NAPSA: variants seen among roughly 807,000 people sequenced by gnomAD.
NAPSA encodes the protein napsin A aspartic peptidase, also known as napsin-A.
In NAPSA, 37 loss-of-function variants were observed where a neutral mutation model predicts 36.7. That is an observed-to-expected ratio of 1.01 (90% CI 0.78 to 1.33). The LOEUF is 1.33. Ranked by LOEUF, NAPSA falls within the 40% of genes most tolerant of loss-of-function variation. The probability of loss-of-function intolerance (pLI) is 0.00; values close to 1 mark genes in which losing one functional copy is unlikely to be tolerated. For synonymous variants in NAPSA, 222 were observed against 234.5 expected (o/e 0.95, Z 0.49); for missense variants, 532 against 543.8 (o/e 0.98, Z 0.21).
At chr19:50,366,054 C>T (rs1167258793), upstream of NAPSA, 2 of 155,528 alleles carry the variant, frequency 1.3e-5, no homozygotes, top group Admixed American at 6.5e-5. Context: ...TAGACACCTG[C>T]CCTCACATAT....
At chr19:50,361,875 G>A in intron 3 of NAPSA, 94 bp from the exon 4 acceptor site, 1 of 1,601,002 alleles carries the variant, frequency 6.2e-7, no homozygotes, top group Non-Finnish European at 8.5e-7. Flanking sequence ...CATGATAAAA[G>A]AACAGTTCCT....
rs1173219437 is a variant in NAPSA at position 50,360,964 on chromosome 19, A to G, written c.645T>C (p.Pro215=). 3.1e-6 allele frequency: 5 copies of G among 1,614,116 alleles called. No individual in the cohort carries two copies. The East Asian group carries it at 1.1e-4, about 36-fold the overall frequency. The change falls in exon 5 of 9, where the codon CCT becomes CCC. Residue 215 remains proline, a synonymous_variant. Transcript: ENST00000253719. ...ACCTGTTGAGGTAAAAGGAGAAGACAGGCTTATCCAATAGCCCCTGCTCCA... is the reference window on the plus strand; with the variant it reads ...ACCTGTTGAGGTAAAAGGAGAAGACGGGCTTATCCAATAGCCCCTGCTCCA... The part of the protein sequence containing the change: ...VLVEQGLLDK[P]VFSFYLNRDP...
At position 50,359,531 on chromosome 19, in the gene NAPSA, A is replaced by G. The variant is rs751300117; in HGVS notation, c.908T>C (p.Ile303Thr). The G allele has an allele frequency of 7.6e-5, 122 of 1,614,056 alleles. No individual in the cohort carries two copies. Among genetic ancestry groups the G allele is most frequent in the Middle Eastern group, 1.6e-4 (1 of 6,084 alleles). Reference sequence around the variant, plus strand: ...CCCAGCCAGCAAGGGGATTCCCCCAATGGCTGCATGCAGGGCCCGGATCTC... The same window carrying G: ...CCCAGCCAGCAAGGGGATTCCCCCAGTGGCTGCATGCAGGGCCCGGATCTC... ...TEEIRALHAAIGGIPLLAGEY... is the reference protein window; with the variant it reads ...TEEIRALHAATGGIPLLAGEY... The change falls in exon 7 of 9, where the codon ATT becomes ACT. Residue 303 changes from isoleucine (I) to threonine (T), a missense_variant. By Grantham distance (89) the Ile-to-Thr change is moderately conservative. Coordinates refer to ENST00000253719, the MANE Select transcript of NAPSA (RefSeq NM_004851.3).
At chr19:50,361,814 AG>A in intron 3 of NAPSA, 33 bp from the exon 4 acceptor site, 1 of 1,603,532 alleles carries the variant, frequency 6.2e-7, no homozygotes, top group East Asian at 2.2e-5. Context: ...GTCATGGGGG[AG>A]GGAATCTCCC....
rs532930760 is a variant in NAPSA at position 50,365,624 on chromosome 19, C to A, written c.-3G>T. ...TGCAGCAGCGGTGGTGGAGACATCG[C>A]TGGGGACCTGGGTGTGAACCCAGGT... On this transcript the variant is annotated 5_prime_UTR_variant, in exon 1 of 9. Transcript: ENST00000253719. 2 of 1,604,388 alleles carry A rather than the reference C, an allele frequency of 1.2e-6. No individual in the cohort carries two copies. Among genetic ancestry groups the A allele is most frequent in the Admixed American group, 1.7e-5 (1 of 57,852 alleles).
In NAPSA at chr19:50,360,107, G is replaced by C. The variant is rs989738713; in HGVS notation, c.669-245C>G. Among the ~76,000 whole-genome samples, 5 of 152,222 alleles carry C rather than the reference G, an allele frequency of 3.3e-5. No homozygotes were observed. In the East Asian group the frequency reaches 9.6e-4, roughly 29 times the overall value. On this transcript the variant is annotated intron_variant, in intron 5 of 8. Coordinates refer to ENST00000253719, the MANE Select transcript of NAPSA (RefSeq NM_004851.3). ...AGACTTCATTTGGCTGTGGAAGGTA[G>C]AGTTTTGGGGAATTTCCTGAGCTGA...
At chr19:50,367,536 GTCTCTCTCTCTCCC>G (rs1250647195), upstream of NAPSA, among the ~76,000 whole-genome samples, 1 of 139,780 alleles carries the variant, frequency 7.2e-6, no homozygotes, top group East Asian at 2.0e-4. Flanking sequence ...AACAGAGTCA[GTCTCTCTCTCTCCC>G]TCTCTCTCTC....
chr19:50,366,303 T>C (rs940232962), upstream of NAPSA, among the ~76,000 whole-genome samples: 1 of 152,180 alleles, frequency 6.6e-6, no homozygotes, highest in Non-Finnish European at 1.5e-5. Flanking sequence ...TTTCTCCATG[T>C]TGGTCAGGCT....
chr19:50,368,648 T>C (rs568872427), upstream of NAPSA, among the ~76,000 whole-genome samples: 2 of 152,254 alleles, frequency 1.3e-5, no homozygotes, highest in African/African-American at 4.8e-5. Context: ...CCCCTTCAAC[T>C]CGCCCCGCAC....
chr19:50,367,833 A>G (rs1275428732), upstream of NAPSA, among the ~76,000 whole-genome samples: 1 of 152,106 alleles, frequency 6.6e-6, no homozygotes, highest in Non-Finnish European at 1.5e-5. Context: ...GTCCAGAGAT[A>G]CAGTCAGTGA....
intron 1 of NAPSA, 155 bp from the exon 2 acceptor site, chr19:50,362,468 C>T: frequency 1.6e-6 from 1 of 607,428 alleles, no homozygotes; most frequent in Non-Finnish European, 2.7e-6. Flanking sequence ...TCCAGAAAAG[C>T]CCATCAAAGA....
chr19:50,359,084 G>A lies in NAPSA; in HGVS notation c.962C>T (p.Pro321Leu). The A allele has an allele frequency of 6.2e-7, 1 of 1,613,954 alleles. No homozygotes were observed. The highest frequency in any genetic ancestry group is 8.5e-7 in the Non-Finnish European group (1 of 1,179,914). ...AAGGAAGGAGACTGCGGGGAGCTTT[G>A]GGATTTCCGAGCACAGGATGATGTA... ...GEYIILCSEI[P>L]KLPAVSFLLG... The change falls in exon 8 of 9, where the codon CCA (proline) becomes CTA (leucine). Residue 321 changes from proline (P) to leucine (L), a missense_variant. Pro to Leu is a moderately conservative substitution (Grantham distance 98, BLOSUM62 -3). Around this residue, in one of 3 missense-constraint regions of NAPSA, gnomAD observed 385 missense variants for 371.5 expected, o/e 1.04. Coordinates refer to ENST00000253719, the MANE Select transcript of NAPSA (RefSeq NM_004851.3).
intron 1 of NAPSA, among the ~76,000 whole-genome samples, chr19:50,364,878 G>C (rs2037524737): frequency 6.6e-6 from 1 of 150,906 alleles, no homozygotes; most frequent in Non-Finnish European, 1.5e-5. Context: ...TGTAGTCCCA[G>C]CTACTTGGGA....
chr19:50,359,308 G>T, intron 7 of NAPSA, 195 bp downstream of exon 7: 2 of 863,666 alleles, frequency 2.3e-6, no homozygotes, highest in South Asian at 1.7e-5. Flanking sequence ...GCCACCATCC[G>T]CAGAGTCGCA....
intron 5 of NAPSA, 119 bp downstream of exon 5, chr19:50,360,822 C>T: frequency 1.0e-6 from 1 of 963,980 alleles, no homozygotes; most frequent in South Asian, 1.7e-5. Context: ...CCTGAATGGA[C>T]AGTGTAAGTG....
chr19:50,365,560 G>T lies in NAPSA; in HGVS notation c.62C>A (p.Pro21His). The T allele has an allele frequency of 6.2e-7, 1 of 1,613,716 alleles. No homozygotes were observed. The highest frequency in any genetic ancestry group is 1.7e-4 in the Middle Eastern group (1 of 5,916). Residue 21 changes from proline (P) to histidine (H), a missense_variant, in exon 1 of 9, where the codon CCT (proline) becomes CAT (histidine). This residue lies in a region of NAPSA where 102 missense variants were observed against 93.6 expected (regional missense o/e 1.09). Transcript: ENST00000253719. ...LLLLPLLNVEPSGATLIRIPL... is the reference protein window; with the variant it reads ...LLLLPLLNVEHSGATLIRIPL... The stretch of plus-strand genomic sequence containing the variant: ...ATACCGGATCAGTGTGGCCCCGGAA[G>T]GCTCCACATTCAGCAGAGGCAGCAG...
In NAPSA at chr19:50,361,712, T is replaced by A. The variant is rs201994232; in HGVS notation, c.419A>T (p.Gln140Leu). The A allele has an allele frequency of 1.5e-5, 24 of 1,613,984 alleles. No individual in the cohort carries two copies. The African/African-American group carries it at 2.9e-4, about 20-fold the overall frequency. ...FQANGTKFAIQYGTGRVDGIL... is the reference protein window; with the variant it reads ...FQANGTKFAILYGTGRVDGIL... ...TCCATCTACCCGCCCAGTTCCATAT[T>A]GAATGGCAAACTTGGTCCCATTGGC... Residue 140 changes from glutamine (Q) to leucine (L), a missense_variant, in exon 4 of 9, where the codon CAA becomes CTA. Gln to Leu is a moderately radical substitution (Grantham distance 113). This residue lies in a region of NAPSA where 45 missense variants were observed against 78.7 expected (regional missense o/e 0.57). Coordinates refer to ENST00000253719, the MANE Select transcript of NAPSA (RefSeq NM_004851.3).
intron 7 of NAPSA, 115 bp from the exon 8 acceptor site, chr19:50,359,224 C>G: frequency 2.0e-6 from 2 of 987,128 alleles, no homozygotes; most frequent in Non-Finnish European, 3.1e-6. Context: ...TACTCAGCGT[C>G]CTGTGTGCAG....
chr19:50,363,129 C>T (rs2037499398), intron 1 of NAPSA, among the ~76,000 whole-genome samples: 1 of 152,166 alleles, frequency 6.6e-6, no homozygotes, highest in African/African-American at 2.4e-5. Context: ...TGCCTTTAGT[C>T]ACTCCTTGAA....
Sources: gnomAD v4.1 joint callset for allele counts (sites outside exome capture counted in the v4.1 genomes callset) on GRCh38, gnomAD v4.1.1 for gene constraint, gnomAD v4.1.1 regional missense constraint, MANE v1.5 for transcripts, NCBI Gene and HGNC (gene_info 2026-07-23, HGNC 2026-07-21) for gene names.